The following PTPN3 variants were observed in gnomAD, a reference collection of about 807,000 sequenced individuals.
The protein encoded by PTPN3 is tyrosine-protein phosphatase non-receptor type 3.
A neutral mutation model predicts 132.7 loss-of-function variants in PTPN3; 96 were observed. That is an observed-to-expected ratio of 0.72 (90% CI 0.61 to 0.86). PTPN3 has a LOEUF of 0.86. Among genes scored for constraint, PTPN3 ranks in the 40% least tolerant of loss-of-function variants. The pLI, the probability that PTPN3 is intolerant of heterozygous loss-of-function variation, is 0.00. For missense variants in PTPN3, 1,125 were observed against 1,159.6 expected (o/e 0.97, Z 0.43); for synonymous variants, 398 against 429.0 (o/e 0.93, Z 0.89).
chr9:109,534,803 A>AAAACAAAC, the PTPN3 span, among the ~76,000 whole-genome samples: 12,172 of 150,620 alleles, frequency 0.081, 543 homozygotes, highest in South Asian at 0.13. Flanking sequence ...ACTCCGTCTC[A>AAAACAAAC]AAACAAACAA....
rs1468773769 is a variant in PTPN3, at chr9:109,454,616, A to G, written c.290-42T>C. ...AAACAAATTAAATTTTCCCTTTGAC[A>G]AAGTCAATGTATGTAAGTTGCTTCT... On this transcript the variant is annotated intron_variant, in intron 4 of 25. Coordinates refer to ENST00000374541, the MANE Select transcript of PTPN3 (RefSeq NM_002829.4). The G allele has an allele frequency of 4.0e-6, 6 of 1,503,352 alleles. No homozygotes were observed. The Admixed American group carries it at 8.4e-5, about 21-fold the overall frequency. 93.1% of individuals were successfully genotyped at this position (1,503,352 alleles called of 1,614,324 possible).
intron 12 of PTPN3, among the ~76,000 whole-genome samples, chr9:109,425,389 A>C (rs189465246): frequency 6.6e-6 from 1 of 152,362 alleles, no homozygotes; most frequent in East Asian, 1.9e-4. Flanking sequence ...ACAAATCACG[A>C]AAACAATTTT....
At chr9:109,462,646 A>C (rs1211494119) in intron 2 of PTPN3, among the ~76,000 whole-genome samples, 1 of 151,990 alleles carries the variant, frequency 6.6e-6, no homozygotes, top group Non-Finnish European at 1.5e-5. Flanking sequence ...CCATGGTCCC[A>C]GTATCTTCCT....
chr9:109,495,167 G>A (rs1847621262), intron 1 of PTPN3, among the ~76,000 whole-genome samples: 1 of 152,192 alleles, frequency 6.6e-6, no homozygotes, highest in Non-Finnish European at 1.5e-5. Context: ...CTGATGCTGG[G>A]TAGGCTACTG....
Position 109,389,214 on chromosome 9 carries a change from T to C in PTPN3, c.2253+19A>G, listed in dbSNP as rs1249862521. The C allele has an allele frequency of 6.2e-7, 1 of 1,613,488 alleles. No individual in the cohort carries two copies. Among genetic ancestry groups the C allele is most frequent in the Non-Finnish European group, 8.5e-7 (1 of 1,179,680 alleles). On this transcript the variant is annotated intron_variant, in intron 22 of 25. Transcript: ENST00000374541. The stretch of plus-strand genomic sequence containing the variant: ...GGTGTGACACTGCACACATCTGAAT[T>C]AGAAATCAAGCTACTTACCCGCCCT...
upstream of PTPN3, among the ~76,000 whole-genome samples, chr9:109,500,652 C>T (rs892105247): frequency 4.7e-5 from 7 of 150,106 alleles, no homozygotes; most frequent in Non-Finnish European, 1.0e-4. Flanking sequence ...GAAAACAGGT[C>T]GGGTGAGGTG....
intron 5 of PTPN3, 47 bp from the exon 6 acceptor site, chr9:109,448,902 CAAAAAA>C (rs35966698): frequency 4.6e-6 from 6 of 1,290,350 alleles, no homozygotes; most frequent in South Asian, 3.6e-5. Context: ...CTGAAATAAG[CAAAAAA>C]AAAAAAAAAA....
rs774525168 is a variant in PTPN3 at position 109,391,514 on chromosome 9, C to A, written c.2001G>T (p.Leu667=). 1 of 1,614,004 alleles carries A rather than the reference C, an allele frequency of 6.2e-7. No homozygotes were observed. The highest frequency in any genetic ancestry group is 8.5e-7 in the Non-Finnish European group (1 of 1,179,964). ...KPGLAITFAK[L]PQNLDKNRYK... is the part of the protein sequence containing the mutation. ...ATCGGTTTTTGTCCAAATTTTGAGGCAGCTTTGCAAACGTGATGGCCAAAC... is the reference window on the plus strand; with the variant it reads ...ATCGGTTTTTGTCCAAATTTTGAGGAAGCTTTGCAAACGTGATGGCCAAAC... The change falls in exon 20 of 26, where the codon CTG becomes CTT. Residue 667 remains leucine (L), a synonymous_variant. Transcript: ENST00000374541.
Position 109,383,406 on chromosome 9 carries a change from C to T in PTPN3, c.2382+17G>A, listed in dbSNP as rs1839289372. 1.2e-6 allele frequency: 2 copies of T among 1,614,126 alleles called. No homozygotes were observed. The highest frequency in any genetic ancestry group is 1.7e-6 in the Non-Finnish European group (2 of 1,180,016). On this transcript the variant is annotated intron_variant, in intron 23 of 25. Transcript: ENST00000374541. ...CAGCACCTGCCCCTCCACCGTGCCC[C>T]TCAGGCTGCGGCTCACCTGGGTGTT... is the stretch of plus-strand genomic sequence containing the variant.
At chr9:109,439,488 A>T (rs1329262698) in intron 7 of PTPN3, among the ~76,000 whole-genome samples, 1 of 152,246 alleles carries the variant, frequency 6.6e-6, no homozygotes, top group African/African-American at 2.4e-5. Context: ...AAGATTTCCA[A>T]ATCAAATAAC....
chr9:109,478,215 C>T (rs1368067934), intron 1 of PTPN3, among the ~76,000 whole-genome samples: 1 of 152,218 alleles, frequency 6.6e-6, no homozygotes, highest in African/African-American at 2.4e-5. Flanking sequence ...AGGGCGTGGA[C>T]TCTGATGTGC....
At chr9:109,519,896 C>T in the PTPN3 span, among the ~76,000 whole-genome samples, 1 of 152,148 alleles carries the variant, frequency 6.6e-6, no homozygotes, top group Non-Finnish European at 1.5e-5. Flanking sequence ...CGCTGGCTCA[C>T]GCCTGTAATC....
At chr9:109,413,405 C>G (rs998925553) in intron 14 of PTPN3, among the ~76,000 whole-genome samples, 3 of 152,146 alleles carry the variant, frequency 2.0e-5, no homozygotes, top group Non-Finnish European at 4.4e-5. Flanking sequence ...GACAGACAGA[C>G]GAGGAAGAGG....
chr9:109,391,082 C>T (rs1348701448), intron 21 of PTPN3, 56 bp downstream of exon 21: 3 of 1,514,968 alleles, frequency 2.0e-6, no homozygotes, highest in Non-Finnish European at 1.8e-6. Context: ...AGGCCCTCAT[C>T]ATCGTTGCGA....
chr9:109,459,399 C>T (rs1845718612), intron 2 of PTPN3, among the ~76,000 whole-genome samples: 1 of 152,234 alleles, frequency 6.6e-6, no homozygotes, highest in Admixed American at 6.5e-5. Flanking sequence ...GTGAGGGATA[C>T]TCCAAGTTGC....
At chr9:109,498,393 C>G (rs1480412596), upstream of PTPN3, 2 of 148,284 alleles carry the variant, frequency 1.3e-5, no homozygotes, top group African/African-American at 4.9e-5. The surrounding 1 kb of genome is among the most constrained non-coding windows in gnomAD (Gnocchi z 4.2). Flanking sequence ...GGCGGGCGTC[C>G]GGGCTGGCCT....
chr9:109,410,437 G>A, intron 14 of PTPN3, 22 bp from the exon 15 acceptor site: 1 of 1,609,702 alleles, frequency 6.2e-7, no homozygotes, highest in Non-Finnish European at 8.5e-7. Flanking sequence ...GGAAGGAGGA[G>A]ATATTAATAA....
At position 109,448,686 on chromosome 9, in the gene PTPN3, A is replaced by T; in HGVS notation, c.413+125T>A. ...ACAGATGTCCAAAGCCTAATGCTGT[A>T]CAGGATGCTTTGCACATCCACTCTG... On this transcript the variant is annotated intron_variant, in intron 6 of 25. Transcript: ENST00000374541. The T allele has an allele frequency of 4.3e-6, 4 of 931,608 alleles. 1 individual carries two copies. The South Asian group carries it at 6.0e-5, about 14-fold the overall frequency. The allele number at this position is 931,608 out of a possible 1,614,324, so 57.7% of individuals were successfully genotyped here. A position where few individuals can be genotyped will look rare whatever the true frequency, so the allele number is the denominator to read the frequency against.
At chr9:109,466,641 G>A (rs1404796406) in intron 1 of PTPN3, among the ~76,000 whole-genome samples, 1 of 152,244 alleles carries the variant, frequency 6.6e-6, no homozygotes, top group Admixed American at 6.5e-5. Context: ...CCAAGAGTCT[G>A]CATCTTGTCT....
Sources: allele counts gnomAD v4.1 joint callset (sites outside exome capture counted in the v4.1 genomes callset), GRCh38; gene constraint gnomAD v4.1.1; non-coding constraint Gnocchi (gnomAD v3.1); transcripts MANE v1.5; gene names NCBI Gene and HGNC (gene_info 2026-07-23, HGNC 2026-07-21).